SLC41A3: variants seen among roughly 807,000 people sequenced by gnomAD.
SLC41A3 encodes the protein solute carrier family 41 member 3.
In SLC41A3, 44 loss-of-function variants were observed where a neutral mutation model predicts 45.4. The observed-to-expected ratio is 0.97, with a 90% CI of 0.76 to 1.25. SLC41A3 has a LOEUF of 1.25. SLC41A3 is among the 50% of genes most tolerant of loss of function. SLC41A3 has a pLI of 0.00. For missense variants in SLC41A3, 550 were observed against 600.6 expected (o/e 0.92, Z 0.88); for synonymous variants, 256 against 252.4 (o/e 1.01, Z -0.13).
At chr3:126,083,739 G>C (rs566522394) in intron 1 of SLC41A3, 1 of 152,166 alleles carries the variant, frequency 6.6e-6, no homozygotes, top group African/African-American at 2.4e-5. Context: ...AGCGGCCTCA[G>C]ACACCTAAGG....
At chr3:126,047,851 A>C (rs561654709) in intron 3 of SLC41A3, among the ~76,000 whole-genome samples, 39 of 152,352 alleles carry the variant, frequency 2.6e-4, no homozygotes, top group Non-Finnish European at 4.3e-4. Context: ...CTTGGATATG[A>C]TACCAAAAGC....
At chr3:126,071,759 G>A (rs971700419) in intron 1 of SLC41A3, among the ~76,000 whole-genome samples, 6 of 145,906 alleles carry the variant, frequency 4.1e-5, no homozygotes, top group Admixed American at 2.2e-4. Flanking sequence ...ATAAATATGC[G>A]GAAATTAAAC....
chr3:126,039,345 A>T (rs1213035021), intron 3 of SLC41A3, among the ~76,000 whole-genome samples: 1 of 152,226 alleles, frequency 6.6e-6, no homozygotes, highest in Non-Finnish European at 1.5e-5. Flanking sequence ...CATTGCATTT[A>T]GCCACAGCTC....
chr3:126,016,731 C>T lies in SLC41A3; in HGVS notation c.890G>A (p.Ser297Asn). The T allele has an allele frequency of 4.4e-6, 7 of 1,606,412 alleles. No individual in the cohort carries two copies. Among genetic ancestry groups the T allele is most frequent in the South Asian group, 1.1e-5 (1 of 89,436 alleles). Reference protein sequence around the residue: ...FPIILAMVISSFGGLILSKTV... With the variant: ...FPIILAMVISNFGGLILSKTV... ...GGCCGTGGCCCTGGCTCCTGCTCACCTGCTGATGACCATGGCCAGGATGAT... is the reference window on the plus strand; with the variant it reads ...GGCCGTGGCCCTGGCTCCTGCTCACTTGCTGATGACCATGGCCAGGATGAT... Residue 297 changes from serine (S) to asparagine (N), a missense_variant and splice_region_variant, in exon 7 of 11, where the codon AGT becomes AAT. By Grantham distance (46) the Ser-to-Asn change is conservative (BLOSUM62 1). Coordinates refer to ENST00000360370, the MANE Select transcript of SLC41A3 (RefSeq NM_017836.4).
chr3:126,065,646 C>T (rs950268427), intron 2 of SLC41A3, among the ~76,000 whole-genome samples: 1 of 152,184 alleles, frequency 6.6e-6, no homozygotes, highest in African/African-American at 2.4e-5. Flanking sequence ...GTATAAAAAG[C>T]AGCTTCTGTT....
At chr3:126,072,339 T>C (rs1018334805) in intron 1 of SLC41A3, among the ~76,000 whole-genome samples, 1 of 141,616 alleles carries the variant, frequency 7.1e-6, no homozygotes, top group African/African-American at 2.7e-5. Context: ...TAGATTAGAC[T>C]GGTAATAAAT....
At chr3:126,074,052 T>C (rs1944758766) in intron 1 of SLC41A3, among the ~76,000 whole-genome samples, 1 of 152,108 alleles carries the variant, frequency 6.6e-6, no homozygotes, top group Non-Finnish European at 1.5e-5. Context: ...ATCAATGTAA[T>C]ACACCAAATT....
intron 3 of SLC41A3, among the ~76,000 whole-genome samples, chr3:126,046,432 AAC>A (rs1226931494): frequency 1.3e-5 from 2 of 152,162 alleles, no homozygotes; most frequent in African/African-American, 4.8e-5. Flanking sequence ...AAAATCAACA[AAC>A]AAAAATCAGT....
At chr3:126,073,331 G>A (rs1364057762) in intron 1 of SLC41A3, 1 of 152,246 alleles carries the variant, frequency 6.6e-6, no homozygotes, top group African/African-American at 2.4e-5. Flanking sequence ...CAGCTACTCA[G>A]GAGGCTGAGG....
chr3:126,063,860 C>T (rs912275352), intron 2 of SLC41A3, among the ~76,000 whole-genome samples: 1 of 151,300 alleles, frequency 6.6e-6, no homozygotes, highest in African/African-American at 2.4e-5. Context: ...CACATGGGCC[C>T]CTCACTTCAA....
At chr3:126,056,628 C>A in intron 2 of SLC41A3, 1 of 1,514,678 alleles carries the variant, frequency 6.6e-7, no homozygotes, top group Non-Finnish European at 8.8e-7. Context: ...TCCTGGCCCA[C>A]ACCAGGACGC....
intron 9 of SLC41A3, among the ~76,000 whole-genome samples, chr3:126,010,755 T>C (rs78260883): frequency 0.029 from 4,488 of 152,294 alleles, 197 homozygotes; most frequent in African/African-American, 0.099. Flanking sequence ...CAACAAGGCA[T>C]CTTTCCCTGT....
At chr3:126,029,380 C>T (rs1364847469) in intron 4 of SLC41A3, among the ~76,000 whole-genome samples, 1 of 151,258 alleles carries the variant, frequency 6.6e-6, no homozygotes, top group Non-Finnish European at 1.5e-5. Context: ...TCCCCCACCA[C>T]TCTCTTGCTC....
Position 126,063,521 on chromosome 3 carries a change from T to C in SLC41A3, c.273+4426A>G, listed in dbSNP as rs193232131. Among the ~76,000 whole-genome samples, 11 of 152,336 alleles carry C rather than the reference T, an allele frequency of 7.2e-5. No homozygotes were observed. The East Asian group carries it at 1.5e-3, about 21-fold the overall frequency. On this transcript the variant is annotated intron_variant, in intron 2 of 10. Coordinates refer to ENST00000360370, the MANE Select transcript of SLC41A3 (RefSeq NM_017836.4). ...CAGGCAATCAACAGCATAGGCGCCC[T>C]GGCCTGCTGGCAGCTCCCTCTGCAC...
At chr3:126,095,466 G>A (rs1945580835) in intron 1 of SLC41A3, 1 of 461,208 alleles carries the variant, frequency 2.2e-6, no homozygotes, top group Non-Finnish European at 3.8e-6. Context: ...CTACGATAGT[G>A]ATGATCACCA....
At chr3:126,030,279 A>C (rs1296606143) in intron 4 of SLC41A3, among the ~76,000 whole-genome samples, 1 of 127,920 alleles carries the variant, frequency 7.8e-6, no homozygotes, top group Non-Finnish European at 1.7e-5. Context: ...GATATATAAT[A>C]TATAATTATA....
chr3:126,057,999 G>A (rs1943780749), intron 2 of SLC41A3: 1 of 152,170 alleles, frequency 6.6e-6, no homozygotes, highest in African/African-American at 2.4e-5. Context: ...CAACTTCTAT[G>A]TCCTATCTCT....
intron 2 of SLC41A3, among the ~76,000 whole-genome samples, chr3:126,062,173 G>A (rs1047301763): frequency 2.9e-4 from 44 of 152,232 alleles, no homozygotes; most frequent in African/African-American, 1.0e-3. Flanking sequence ...CCTAAACCTG[G>A]GGAGAACAAA....
At chr3:126,033,791 G>T in intron 3 of SLC41A3, 113 bp from the exon 4 acceptor site, 1 of 1,154,324 alleles carries the variant, frequency 8.7e-7, no homozygotes. Flanking sequence ...CATTTCATCA[G>T]CGTCAGAAAA....
Sources: gnomAD v4.1 joint callset for allele counts (sites outside exome capture counted in the v4.1 genomes callset) on GRCh38, gnomAD v4.1.1 for gene constraint, MANE v1.5 for transcripts, NCBI Gene and HGNC (gene_info 2026-07-23, HGNC 2026-07-21) for gene names.